The following SPTBN1 variants were observed in gnomAD, a reference collection of about 807,000 sequenced individuals.
SPTBN1 encodes spectrin beta chain, non-erythrocytic 1.
In SPTBN1, 32 loss-of-function variants were observed where a neutral mutation model predicts 266.4. That is an observed-to-expected ratio of 0.12 (90% confidence interval 0.09 to 0.16). The LOEUF (loss-of-function observed/expected upper bound fraction) is 0.16, where lower values mean the gene tolerates loss of function less well. Among genes scored for constraint, SPTBN1 ranks in the 10% least tolerant of loss-of-function variants. SPTBN1 has a pLI of 1.00. For synonymous variants in SPTBN1, 1,336 were observed against 1,162.2 expected, an observed-to-expected ratio of 1.15 and a Z score of -3.04; for missense variants, 2,296 against 3,067.1, an observed-to-expected ratio of 0.75 and a Z score of 5.94.
At chr2:54,581,577 C>CTTTTTTTTTTTTTTTTTTTTTT (rs70944181) in intron 2 of SPTBN1, among the ~76,000 whole-genome samples, 21 of 102,654 alleles carry the variant, frequency 2.0e-4, no homozygotes, top group Admixed American at 3.3e-4. Context: ...TTTCTTTGCC[C>CTTTTTTTTTTTTTTTTTTTTTT]TTTTTTTTTT....
At chr2:54,464,731 C>G (rs1015255933) in intron 1 of SPTBN1, among the ~76,000 whole-genome samples, 4 of 152,068 alleles carry the variant, frequency 2.6e-5, no homozygotes, top group African/African-American at 9.7e-5. Flanking sequence ...ATTCTGTTGC[C>G]CAGGCTGGAG....
chr2:54,629,264 C>T lies in SPTBN1; in HGVS notation c.2130C>T (p.Phe710=), dbSNP rs201384180. 44 of 1,613,984 alleles carry T rather than the reference C, an allele frequency of 2.7e-5. No individual in the cohort carries two copies. In the South Asian group the frequency reaches 3.3e-4, roughly 12 times the overall value. The part of the protein sequence containing the change: ...EGEDMIAEEH[F]GSEKIRERII... Reference sequence around the variant, plus strand: ...AAGACATGATCGCGGAGGAGCACTTCGGGTCGGAGAAGATCCGTGAGAGGA... The same window carrying T: ...AAGACATGATCGCGGAGGAGCACTTTGGGTCGGAGAAGATCCGTGAGAGGA... Residue 710 remains phenylalanine, a synonymous_variant, in exon 14 of 36, where the codon TTC becomes TTT. Transcript: ENST00000356805.
chr2:54,649,705 C>T lies in SPTBN1; in HGVS notation c.5293C>T (p.Leu1765Phe). The change falls in exon 26 of 36, where the codon CTC becomes TTC. Residue 1765 changes from leucine (L) to phenylalanine (F), a missense_variant. Physicochemically the swap from Leu to Phe is conservative, Grantham distance 22. This residue lies in a region of SPTBN1 where 644 missense variants were observed against 745.3 expected (regional missense o/e 0.86). Transcript: ENST00000356805. This position sits in a 1 kb window ranked among gnomAD's most constrained non-coding sequence, Gnocchi z 6.7. Reference protein sequence around the residue: ...VDTVNHLADELINSGHSDAAT... With the variant: ...VDTVNHLADEFINSGHSDAAT... ...CACGGTCAATCACCTGGCAGATGAG[C>T]TCATCAACTCTGGACATTCAGATGC... The T allele has an allele frequency of 6.2e-7, 1 of 1,614,134 alleles. No homozygotes were observed.
intron 2 of SPTBN1, among the ~76,000 whole-genome samples, chr2:54,593,175 T>G (rs1380281495): frequency 6.6e-6 from 1 of 152,122 alleles, no homozygotes; most frequent in African/African-American, 2.4e-5. Context: ...GTTAGCTAAT[T>G]TACTTATCTC....
intron 2 of SPTBN1, among the ~76,000 whole-genome samples, chr2:54,535,598 C>T (rs1045172009): frequency 6.6e-6 from 1 of 152,138 alleles, no homozygotes; most frequent in Non-Finnish European, 1.5e-5. Context: ...TCTCTGCTCT[C>T]TTAGATAAGT....
chr2:54,571,040 G>A (rs1674026697), intron 2 of SPTBN1, among the ~76,000 whole-genome samples: 1 of 152,094 alleles, frequency 6.6e-6, no homozygotes, highest in Admixed American at 6.6e-5. Flanking sequence ...ATTCAGTCTT[G>A]CAATGACAGA....
At chr2:54,488,984 G>A (rs1392186911) in intron 1 of SPTBN1, among the ~76,000 whole-genome samples, 1 of 151,864 alleles carries the variant, frequency 6.6e-6, no homozygotes, top group Non-Finnish European at 1.5e-5. Flanking sequence ...TTAATGCTGG[G>A]ATTTGACATT....
chr2:54,656,702 C>T (rs1680689406), intron 29 of SPTBN1, among the ~76,000 whole-genome samples: 1 of 152,162 alleles, frequency 6.6e-6, no homozygotes, highest in South Asian at 2.1e-4. Flanking sequence ...TTACTAGAAA[C>T]CAAATGCAAG....
chr2:54,661,781 CA>C (rs1310835461), intron 32 of SPTBN1: 52 of 985,254 alleles, frequency 5.3e-5, no homozygotes, highest in Non-Finnish European at 6.0e-5. Flanking sequence ...TCAGGACTGA[CA>C]CCCAATTTGA....
chr2:54,638,029 C>G (rs1558456017), intron 18 of SPTBN1, among the ~76,000 whole-genome samples: 1 of 152,182 alleles, frequency 6.6e-6, no homozygotes. Context: ...TAGTATAGTA[C>G]TGCACTGTTC....
At chr2:54,555,271 A>G (rs1372764231) in intron 2 of SPTBN1, among the ~76,000 whole-genome samples, 1 of 152,024 alleles carries the variant, frequency 6.6e-6, no homozygotes, top group Non-Finnish European at 1.5e-5. Context: ...CTGTATCTTC[A>G]GTTTTGAGCT....
rs185787549 is a variant in SPTBN1 at position 54,540,483 on chromosome 2, C to T, written c.148+13917C>T. The T allele has an allele frequency of 2.6e-5, 4 of 152,322 alleles. No homozygotes were observed. In the East Asian group the frequency reaches 7.7e-4, roughly 29 times the overall value. The allele number at this position is 152,322 out of a possible 1,614,324, so 9.4% of individuals were successfully genotyped here. ...TCTTTTGTGCTCCAGGTATCTCACC[C>T]TAAGGTTTTTACCCTTTTTGGTTAA... On this transcript the variant is annotated intron_variant, in intron 2 of 35. Transcript: ENST00000356805. The surrounding 1 kb of genome is among the most constrained non-coding windows in gnomAD (Gnocchi z 5.6).
chr2:54,474,831 G>C (rs898772129), intron 1 of SPTBN1, among the ~76,000 whole-genome samples: 4 of 152,112 alleles, frequency 2.6e-5, no homozygotes, highest in African/African-American at 9.7e-5. Context: ...CTGTTCTACA[G>C]TAAGCATATG....
intron 2 of SPTBN1, chr2:54,546,510 C>T (rs912324881): frequency 1.3e-5 from 2 of 152,136 alleles, no homozygotes; most frequent in African/African-American, 4.8e-5. Context: ...TCTAAACTAC[C>T]AATTTATTTC....
intron 1 of SPTBN1, among the ~76,000 whole-genome samples, chr2:54,470,020 A>C (rs1693842335): frequency 6.6e-6 from 1 of 152,176 alleles, no homozygotes; most frequent in Admixed American, 6.5e-5. Flanking sequence ...TTTTTAAATC[A>C]ACACCCAGGG....
intron 3 of SPTBN1, 85 bp from the exon 4 acceptor site, chr2:54,612,076 T>TG: frequency 7.6e-7 from 1 of 1,312,086 alleles, no homozygotes; most frequent in African/African-American, 1.5e-5. Context: ...ATTGCATGAA[T>TG]GGGCACATGT....
intron 1 of SPTBN1, among the ~76,000 whole-genome samples, chr2:54,491,518 T>C (rs1253354352): frequency 2.0e-5 from 3 of 152,260 alleles, no homozygotes; most frequent in Non-Finnish European, 4.4e-5. Flanking sequence ...TTGAATATCA[T>C]ATCTTAAATG....
chr2:54,496,535 T>A (rs1322012606), intron 1 of SPTBN1, among the ~76,000 whole-genome samples: 1 of 152,130 alleles, frequency 6.6e-6, no homozygotes, highest in East Asian at 1.9e-4. Context: ...GCATTTCACA[T>A]GTATTAACTT....
chr2:54,653,555 T>C lies in SPTBN1; in HGVS notation c.5578-54T>C, dbSNP rs769725280. On this transcript the variant is annotated intron_variant, in intron 26 of 35. Transcript: ENST00000356805. This position sits in a 1 kb window ranked among gnomAD's most constrained non-coding sequence, Gnocchi z 5.1. The stretch of plus-strand genomic sequence containing the variant: ...CAGAACAGAATAGGGCTTGGGGTGA[T>C]GGTGGGAAGGCCGCCATGGGCTGAC... The C allele has an allele frequency of 5.6e-5, 89 of 1,593,160 alleles. No homozygotes were observed. Among genetic ancestry groups the C allele is most frequent in the Middle Eastern group, 5.4e-4 (3 of 5,580 alleles).
Sources: gnomAD v4.1 joint callset for allele counts (sites outside exome capture counted in the v4.1 genomes callset) on GRCh38, gnomAD v4.1.1 for gene constraint, gnomAD v4.1.1 regional missense constraint, Gnocchi (gnomAD v3.1) non-coding constraint, MANE v1.5 for transcripts, NCBI Gene and HGNC (gene_info 2026-07-23, HGNC 2026-07-21) for gene names.